FGF14: variants seen among roughly 807,000 people sequenced by gnomAD.
The protein encoded by FGF14 is fibroblast growth factor 14, also known as fibroblast growth factor homologous factor 4.
FGF14 carries 5 observed loss-of-function variants against 25.5 expected under a neutral mutation model. The ratio of observed to expected loss-of-function variants is 0.20; its 90% CI spans 0.10 to 0.41. FGF14 has a LOEUF of 0.41. Ranked by LOEUF, FGF14 falls within the 10% of genes least tolerant of loss-of-function variation. FGF14 has a pLI of 1.00. For missense variants in FGF14, 222 were observed against 320.1 expected, an observed-to-expected ratio of 0.69 and a Z score of 2.34; for synonymous variants, 138 against 118.3, an observed-to-expected ratio of 1.17 and a Z score of -1.08.
At chr13:102,168,973 A>T (rs1439036581) in intron 1 of FGF14, among the ~76,000 whole-genome samples, 1 of 151,920 alleles carries the variant, frequency 6.6e-6, no homozygotes, top group East Asian at 1.9e-4. Context: ...GCACAGTTAG[A>T]TGCTAAATTA....
At chr13:102,056,337 T>A (rs547527064) in intron 1 of FGF14, among the ~76,000 whole-genome samples, 9 of 152,246 alleles carry the variant, frequency 5.9e-5, no homozygotes, top group Non-Finnish European at 1.2e-4. Context: ...AACAATCATT[T>A]ACCTTTGTTT....
chr13:101,904,764 T>C (rs1193872695), intron 1 of FGF14, among the ~76,000 whole-genome samples: 1 of 152,204 alleles, frequency 6.6e-6, no homozygotes, highest in Non-Finnish European at 1.5e-5. Flanking sequence ...GTAAAAATGA[T>C]AACATTTATG....
intron 1 of FGF14, among the ~76,000 whole-genome samples, chr13:101,941,963 CTT>C (rs1481777302): frequency 6.6e-6 from 1 of 152,090 alleles, no homozygotes; most frequent in Non-Finnish European, 1.5e-5. Context: ...GTTTTACTCT[CTT>C]AATATTTTAA....
intron 3 of FGF14, among the ~76,000 whole-genome samples, chr13:101,867,967 A>G (rs1366470227): frequency 1.3e-5 from 2 of 151,800 alleles, no homozygotes; most frequent in African/African-American, 2.4e-5. Flanking sequence ...ATATTTATCT[A>G]TAGTTTTGTT....
chr13:102,165,354 G>A (rs564412619), intron 1 of FGF14, among the ~76,000 whole-genome samples: 1 of 151,972 alleles, frequency 6.6e-6, no homozygotes, highest in African/African-American at 2.4e-5. Flanking sequence ...TGCTATAAAG[G>A]CACATGCACA....
intron 3 of FGF14, among the ~76,000 whole-genome samples, chr13:101,820,778 CCA>C (rs869232661): frequency 0.019 from 535 of 28,364 alleles, 3 homozygotes; most frequent in African/African-American, 0.026. Context: ...ACACCACACA[CCA>C]CACACACACA....
chr13:102,345,593 C>G (rs775004269), intron 1 of FGF14, among the ~76,000 whole-genome samples: 2 of 152,156 alleles, frequency 1.3e-5, no homozygotes, highest in Non-Finnish European at 1.5e-5. Context: ...AGATCTGTTG[C>G]CGTGGGTTGT....
At chr13:101,756,108 T>C (rs1457747113) in intron 3 of FGF14, among the ~76,000 whole-genome samples, 1 of 152,170 alleles carries the variant, frequency 6.6e-6, no homozygotes, top group Non-Finnish European at 1.5e-5. Flanking sequence ...AGGTTTCAAT[T>C]CAGACTGCAA....
rs1303987874 is a variant in FGF14, at chr13:102,161,842, A to AC, written c.208+239628_208+239629insG. ...CTAGAAGATAATTAAAAAAAAAAAA[A>AC]AACCTGGAGAATGAGTGAATGACAT... On this transcript the variant is annotated intron_variant, in intron 1 of 4. Transcript: ENST00000376131. Among the ~76,000 whole-genome samples the AC allele has an allele frequency of 4.1e-3, 627 of 151,934 alleles. 3 individuals carry two copies. The highest frequency in any genetic ancestry group is 6.7e-3 in the Non-Finnish European group (452 of 67,926).
chr13:102,294,265 A>T (rs368092675), intron 1 of FGF14, among the ~76,000 whole-genome samples: 15 of 152,282 alleles, frequency 9.9e-5, no homozygotes, highest in African/African-American at 3.6e-4. Context: ...TTTAACAACT[A>T]ATTTTCTTAA....
chr13:102,093,387 G>A (rs1380411444), intron 1 of FGF14, among the ~76,000 whole-genome samples: 1 of 152,148 alleles, frequency 6.6e-6, no homozygotes, highest in Non-Finnish European at 1.5e-5. Flanking sequence ...TAAAGATGCA[G>A]TATTAAATTA....
At chr13:101,870,337 G>A (rs1242092931) in intron 2 of FGF14, among the ~76,000 whole-genome samples, 1 of 151,844 alleles carries the variant, frequency 6.6e-6, no homozygotes, top group African/African-American at 2.4e-5. Context: ...GAAAGAATGG[G>A]CACCATAGAA....
At chr13:102,296,265 C>T (rs2054705327) in intron 1 of FGF14, among the ~76,000 whole-genome samples, 1 of 152,142 alleles carries the variant, frequency 6.6e-6, no homozygotes, top group South Asian at 2.1e-4. Context: ...AATAGATTGA[C>T]ATAGTGTAGG....
chr13:102,386,762 G>A (rs1309393476), intron 1 of FGF14, among the ~76,000 whole-genome samples: 5 of 152,130 alleles, frequency 3.3e-5, no homozygotes, highest in Admixed American at 3.3e-4. Flanking sequence ...ACTCCGAAGT[G>A]GCACCTCTAC....
chr13:102,003,810 T>TA (rs1439241487), intron 1 of FGF14, among the ~76,000 whole-genome samples: 1 of 152,178 alleles, frequency 6.6e-6, no homozygotes, highest in African/African-American at 2.4e-5. Context: ...TAGTTGGAAC[T>TA]AGTGGATATT....
intron 1 of FGF14, among the ~76,000 whole-genome samples, chr13:102,364,120 C>T (rs769001572): frequency 5.9e-5 from 9 of 152,252 alleles, no homozygotes; most frequent in African/African-American, 1.9e-4. Flanking sequence ...AGGAAGATGC[C>T]GTAAGTGCCA....
At chr13:101,984,553 ATACT>A (rs1389627782) in intron 1 of FGF14, among the ~76,000 whole-genome samples, 1 of 152,188 alleles carries the variant, frequency 6.6e-6, no homozygotes, top group Non-Finnish European at 1.5e-5. Context: ...ATTTTTAAGA[ATACT>A]TAAAGAAGGG....
At chr13:102,045,950 C>A (rs2041962678) in intron 1 of FGF14, 1 of 154,198 alleles carries the variant, frequency 6.5e-6, no homozygotes, top group Non-Finnish European at 1.5e-5. Context: ...AAACCAATCA[C>A]TTGGTAATTG....
At chr13:101,892,515 T>C (rs1265539669) in intron 1 of FGF14, among the ~76,000 whole-genome samples, 1 of 152,166 alleles carries the variant, frequency 6.6e-6, no homozygotes, top group Non-Finnish European at 1.5e-5. Context: ...GTAAAAGGAA[T>C]TAAGCTTGTT....
Sources: allele counts gnomAD v4.1 joint callset (sites outside exome capture counted in the v4.1 genomes callset), GRCh38; gene constraint gnomAD v4.1.1; transcripts MANE v1.5; gene names NCBI Gene and HGNC (gene_info 2026-07-23, HGNC 2026-07-21).